Variants in CHEK1 observed in about 807,000 individuals in gnomAD.
CHEK1 encodes serine/threonine-protein kinase Chk1.
Under a neutral mutation model 60.2 loss-of-function variants are expected in CHEK1, and 32 were observed. The observed-to-expected ratio is 0.53, with a 90% CI of 0.40 to 0.71. CHEK1 has a LOEUF of 0.71. CHEK1 is among the 30% of genes least tolerant of loss of function. The pLI, the probability that CHEK1 is intolerant of heterozygous loss-of-function variation, is 0.00. For synonymous variants in CHEK1, 179 were observed against 187.2 expected (o/e 0.96, Z 0.36); for missense variants, 399 against 564.6 (o/e 0.71, Z 2.97).
chr11:125,666,322 T>C (rs963782165), intron 13 of CHEK1, among the ~76,000 whole-genome samples: 31 of 152,260 alleles, frequency 2.0e-4, no homozygotes, highest in African/African-American at 7.2e-4. Context: ...AAAGTTCCTC[T>C]TATTATTGAT....
chr11:125,626,940 G>A, intron 2 of CHEK1, 107 bp downstream of exon 2: 2 of 1,229,946 alleles, frequency 1.6e-6, no homozygotes, highest in Non-Finnish European at 2.3e-6. Flanking sequence ...AAGGGTTTTG[G>A]CAACTGAAGT....
chr11:125,655,406 C>A lies in CHEK1; in HGVS notation c.*86C>A. ...TCCTAGAGAAGATTATCCTGTCCTG[C>A]AAACTGCAAATAGTAGTTCCTGAAG... On this transcript the variant is annotated 3_prime_UTR_variant, in exon 13 of 13. Transcript: ENST00000438015. 1 of 866,570 alleles carries A rather than the reference C, an allele frequency of 1.2e-6. No homozygotes were observed. Among genetic ancestry groups the A allele is most frequent in the Non-Finnish European group, 1.8e-6 (1 of 551,800 alleles). 53.7% of individuals were successfully genotyped at this position (866,570 alleles called of 1,614,324 possible).
At chr11:125,663,148 A>C (rs557342931) in intron 13 of CHEK1, among the ~76,000 whole-genome samples, 1 of 152,064 alleles carries the variant, frequency 6.6e-6, no homozygotes, top group African/African-American at 2.4e-5. Context: ...AAAAAAAACA[A>C]ATATGTCTCC....
At chr11:125,634,990 C>A (rs968031946) in intron 6 of CHEK1, among the ~76,000 whole-genome samples, 1 of 150,746 alleles carries the variant, frequency 6.6e-6, no homozygotes, top group East Asian at 1.9e-4. Flanking sequence ...CAAAGTCTTG[C>A]TCTGTCGCCC....
At chr11:125,649,179 G>A (rs1373240560) in intron 11 of CHEK1, among the ~76,000 whole-genome samples, 2 of 152,054 alleles carry the variant, frequency 1.3e-5, no homozygotes, top group East Asian at 1.9e-4. Flanking sequence ...GCTATCTTGT[G>A]TATTTTCCTT....
At chr11:125,658,826 A>G (rs373671179), downstream of CHEK1, among the ~76,000 whole-genome samples, 2 of 151,192 alleles carry the variant, frequency 1.3e-5, no homozygotes, top group East Asian at 2.0e-4. Context: ...AGCTGGGACT[A>G]TAGCCATGCA....
chr11:125,663,154 T>C (rs573958200), intron 13 of CHEK1, among the ~76,000 whole-genome samples: 2 of 152,192 alleles, frequency 1.3e-5, no homozygotes, highest in Admixed American at 1.3e-4. Flanking sequence ...AACAAATATG[T>C]CTCCCATTCT....
chr11:125,629,606 C>T lies in CHEK1; in HGVS notation c.424+146C>T, dbSNP rs1284102598. On this transcript the variant is annotated intron_variant, in intron 5 of 12. Coordinates refer to ENST00000438015, the MANE Select transcript of CHEK1 (RefSeq NM_001114122.3). ...AATTTCAAGACAAGATCTGAAAAAT[C>T]AAGGAAATTTTGGAGACTTCGTATA... 1.7e-5 allele frequency: 11 copies of T among 635,580 alleles called. No homozygotes were observed. In the East Asian group the frequency reaches 3.2e-4, roughly 18 times the overall value. The allele number at this position is 635,580 out of a possible 1,614,324, so 39.4% of individuals were successfully genotyped here.
chr11:125,633,959 T>C (rs962160669), intron 6 of CHEK1, among the ~76,000 whole-genome samples: 2 of 150,812 alleles, frequency 1.3e-5, no homozygotes, highest in Admixed American at 1.3e-4. Context: ...TGCTCTCTCA[T>C]GGTGGACAGC....
At chr11:125,658,893 C>T (rs989252132), downstream of CHEK1, among the ~76,000 whole-genome samples, 5 of 151,802 alleles carry the variant, frequency 3.3e-5, no homozygotes, top group East Asian at 3.9e-4. Context: ...ACTGTGTTGC[C>T]GAGGCTGGTT....
chr11:125,679,988 A>G (rs1267500821), downstream of CHEK1, among the ~76,000 whole-genome samples: 3 of 152,218 alleles, frequency 2.0e-5, no homozygotes, highest in Non-Finnish European at 4.4e-5. Context: ...AAAGCATGCT[A>G]ATTTCTTGAT....
chr11:125,670,584 A>G (rs1591431936), intron 13 of CHEK1, among the ~76,000 whole-genome samples: 1 of 152,102 alleles, frequency 6.6e-6, no homozygotes, highest in African/African-American at 2.4e-5. Flanking sequence ...TCCTGGAGTC[A>G]GTGACCAGAC....
At chr11:125,673,632 C>G (rs923670969) in intron 13 of CHEK1, among the ~76,000 whole-genome samples, 2 of 152,202 alleles carry the variant, frequency 1.3e-5, no homozygotes, top group Non-Finnish European at 2.9e-5. Context: ...CGATGATCAC[C>G]TCCATGCCAA....
At chr11:125,640,382 A>C (rs766903642) in intron 8 of CHEK1, among the ~76,000 whole-genome samples, 41 of 151,982 alleles carry the variant, frequency 2.7e-4, no homozygotes, top group Non-Finnish European at 4.7e-4. Context: ...TCTACTAAAA[A>C]TACAAAAAAT....
chr11:125,672,544 G>A, intron 13 of CHEK1: 1 of 1,607,408 alleles, frequency 6.2e-7, no homozygotes. Flanking sequence ...CAAATAGAGT[G>A]ATGGAGGCTT....
chr11:125,646,942 T>C (rs920665321), intron 11 of CHEK1, among the ~76,000 whole-genome samples: 2 of 152,172 alleles, frequency 1.3e-5, no homozygotes, highest in African/African-American at 4.8e-5. Flanking sequence ...TAGTGTCGTT[T>C]GATGTACTCA....
rs762972675 is a variant in CHEK1, at chr11:125,655,257, G to A, written c.1368G>A (p.Leu456=). ...GATTGGAGTTCAAGAGACACTTCCT[G>A]AAGATTAAAGGGAAGCTGATTGATA... ...GDGLEFKRHF[L]KIKGKLIDIV... Residue 456 remains leucine (L), a synonymous_variant, in exon 13 of 13, where the codon CTG becomes CTA. Coordinates refer to ENST00000438015, the MANE Select transcript of CHEK1 (RefSeq NM_001114122.3). 8.1e-6 allele frequency: 13 copies of A among 1,613,562 alleles called. No individual in the cohort carries two copies. Among genetic ancestry groups the A allele is most frequent in the Non-Finnish European group, 1.1e-5 (13 of 1,179,656 alleles).
chr11:125,646,563 G>T (rs940758345), intron 11 of CHEK1, among the ~76,000 whole-genome samples: 2 of 152,118 alleles, frequency 1.3e-5, no homozygotes, highest in Non-Finnish European at 1.5e-5. Flanking sequence ...TTTTTCCAAA[G>T]CACCTGTACC....
chr11:125,627,859 T>G (rs758177189), intron 3 of CHEK1, 29 bp downstream of exon 3: 1 of 1,473,966 alleles, frequency 6.8e-7, no homozygotes, highest in Non-Finnish European at 9.1e-7. Flanking sequence ...ATAATTATTT[T>G]AAACAAGTTT....
Sources: gnomAD v4.1 joint callset for allele counts (sites outside exome capture counted in the v4.1 genomes callset) on GRCh38, gnomAD v4.1.1 for gene constraint, MANE v1.5 for transcripts, NCBI Gene and HGNC (gene_info 2026-07-23, HGNC 2026-07-21) for gene names.